Variants in SCN1A observed in about 807,000 individuals in gnomAD.
SCN1A encodes the protein sodium voltage-gated channel alpha subunit 1, also known as sodium channel protein type 1 subunit alpha.
SCN1A carries 13 observed loss-of-function variants against 193.7 expected under a neutral mutation model. The observed-to-expected ratio is 0.07, with a 90% CI of 0.04 to 0.11. The LOEUF (loss-of-function observed/expected upper bound fraction) is 0.11. SCN1A is among the 10% of genes least tolerant of loss of function. The pLI, the probability that SCN1A is intolerant of heterozygous loss-of-function variation, is 1.00. For synonymous variants in SCN1A, 781 were observed against 843.6 expected (o/e 0.93, Z 1.29); for missense variants, 1,432 against 2,451.1 (o/e 0.58, Z 8.78).
chr2:166,030,622 T>C (rs1184009539), intron 19 of SCN1A, among the ~76,000 whole-genome samples: 1 of 152,124 alleles, frequency 6.6e-6, no homozygotes. Flanking sequence ...TCCAAATAGC[T>C]TTTAGATCTT....
At chr2:166,010,756 A>C (rs1692334643) in intron 22 of SCN1A, among the ~76,000 whole-genome samples, 1 of 151,112 alleles carries the variant, frequency 6.6e-6, no homozygotes, top group African/African-American at 2.4e-5. Context: ...TTCTTACATT[A>C]TTTGAGATGT....
chr2:166,118,661 A>C (rs1383162643), intron 2 of SCN1A, among the ~76,000 whole-genome samples: 1 of 152,054 alleles, frequency 6.6e-6, no homozygotes, highest in Non-Finnish European at 1.5e-5. Context: ...ATCACATTCC[A>C]GGGTAATATC....
chr2:166,045,414 A>G, intron 12 of SCN1A, 87 bp from the exon 13 acceptor site: 1 of 1,399,648 alleles, frequency 7.1e-7, no homozygotes, highest in African/African-American at 1.4e-5. Context: ...ATGGCTTTTA[A>G]AAAATATATT....
intron 26 of SCN1A, 139 bp from the exon 27 acceptor site, chr2:165,996,256 G>GT: frequency 1.8e-6 from 1 of 569,132 alleles, no homozygotes; most frequent in Admixed American, 3.1e-5. Flanking sequence ...GATTTAAAAT[G>GT]TAAAAAAAAT....
chr2:166,038,871 T>G (rs1178652233), intron 17 of SCN1A, among the ~76,000 whole-genome samples: 1 of 152,204 alleles, frequency 6.6e-6, no homozygotes, highest in Non-Finnish European at 1.5e-5. Flanking sequence ...TACATCCACC[T>G]GCATTGAAAA....
intron 27 of SCN1A, 147 bp from the exon 28 acceptor site, chr2:165,994,563 A>G (rs1406501849): frequency 1.5e-6 from 1 of 673,844 alleles, no homozygotes; most frequent in African/African-American, 1.8e-5. Context: ...TAGCATATTA[A>G]TTGTTAAAAT....
intron 19 of SCN1A, chr2:166,027,188 A>T (rs907652215): frequency 1.3e-5 from 2 of 152,184 alleles, no homozygotes. Context: ...TGCCTTGTAC[A>T]CCAGGGCATT....
intron 2 of SCN1A, among the ~76,000 whole-genome samples, chr2:166,082,159 T>G (rs527513188): frequency 7.9e-5 from 12 of 151,934 alleles, no homozygotes; most frequent in Non-Finnish European, 1.5e-4. Context: ...GGCAAAGATT[T>G]AAAAAACAGA....
At chr2:166,140,801 C>T (rs781287800) in intron 1 of SCN1A, among the ~76,000 whole-genome samples, 4 of 152,074 alleles carry the variant, frequency 2.6e-5, no homozygotes, top group Non-Finnish European at 4.4e-5. Flanking sequence ...AAGTGCTTTT[C>T]GGCTCTGCTT....
intron 1 of SCN1A, among the ~76,000 whole-genome samples, chr2:166,133,493 G>C (rs974785554): frequency 2.0e-5 from 3 of 151,970 alleles, no homozygotes; most frequent in African/African-American, 2.4e-5. Flanking sequence ...TTACAATATA[G>C]GTTCAGAATG....
At chr2:166,098,276 A>T (rs1187378796) in intron 2 of SCN1A, among the ~76,000 whole-genome samples, 1 of 152,184 alleles carries the variant, frequency 6.6e-6, no homozygotes, top group Non-Finnish European at 1.5e-5. Flanking sequence ...AAACCACATG[A>T]TCATCTTAAT....
At chr2:166,042,581 G>T (rs534394309) in intron 14 of SCN1A, among the ~76,000 whole-genome samples, 157 bp from the exon 15 acceptor site, 45 of 152,240 alleles carry the variant, frequency 3.0e-4, no homozygotes, top group African/African-American at 1.1e-3. Context: ...TGTATCATTA[G>T]CCTGGAATGT....
chr2:166,070,435 A>G (rs962983742), intron 4 of SCN1A, among the ~76,000 whole-genome samples: 4 of 152,168 alleles, frequency 2.6e-5, no homozygotes, highest in African/African-American at 9.7e-5. Context: ...GATTTGCTCC[A>G]AAATGCCAAA....
intron 5 of SCN1A, among the ~76,000 whole-genome samples, chr2:166,057,055 C>T (rs985647411): frequency 4.6e-5 from 7 of 151,950 alleles, no homozygotes; most frequent in African/African-American, 1.4e-4. Context: ...CAGCAGGATT[C>T]GATAACATTA....
chr2:166,142,450 C>T (rs1692129078), intron 1 of SCN1A, among the ~76,000 whole-genome samples: 1 of 152,048 alleles, frequency 6.6e-6, no homozygotes, highest in Admixed American at 6.6e-5. Flanking sequence ...AGGCCAAACC[C>T]AAAACTTTTA....
intron 19 of SCN1A, among the ~76,000 whole-genome samples, chr2:166,018,637 G>C (rs1693624859): frequency 6.6e-6 from 1 of 151,944 alleles, no homozygotes; most frequent in South Asian, 2.1e-4. Flanking sequence ...TGAGTTTTAA[G>C]TTTATATGAT....
chr2:166,043,563 A>G, intron 14 of SCN1A, 106 bp downstream of exon 14: 1 of 1,304,440 alleles, frequency 7.7e-7, no homozygotes. Flanking sequence ...GTGCATTCAC[A>G]GCGTGACCAA....
intron 11 of SCN1A, 66 bp from the exon 12 acceptor site, chr2:166,047,042 A>C (rs1384794330): frequency 6.4e-7 from 1 of 1,551,014 alleles, no homozygotes; most frequent in Non-Finnish European, 8.9e-7. Context: ...TCAACTTTCA[A>C]TTTACTCATG....
chr2:166,042,446 C>A, intron 14 of SCN1A, 22 bp from the exon 15 acceptor site: 1 of 1,611,566 alleles, frequency 6.2e-7, no homozygotes. Context: ...AATGCTAATG[C>A]ATTAAACAAT....
Sources: allele counts gnomAD v4.1 joint callset (sites outside exome capture counted in the v4.1 genomes callset), GRCh38; gene constraint gnomAD v4.1.1; transcripts MANE v1.5; gene names NCBI Gene and HGNC (gene_info 2026-07-23, HGNC 2026-07-21).